TRIM54: variants seen among roughly 807,000 people sequenced by gnomAD.
The protein encoded by TRIM54 is tripartite motif containing 54, also known as tripartite motif-containing protein 54.
TRIM54 carries 40 observed loss-of-function variants against 42.0 expected under a neutral mutation model. The observed-to-expected ratio is 0.95, with a 90% CI of 0.74 to 1.24. The LOEUF (loss-of-function observed/expected upper bound fraction) is 1.24, where lower values mean the gene tolerates loss of function less well. Among genes scored for constraint, TRIM54 ranks in the 50% most tolerant of loss-of-function variants. TRIM54 has a pLI of 0.00. For missense variants in TRIM54, 485 were observed against 480.3 expected (o/e 1.01, Z -0.09); for synonymous variants, 199 against 194.9 (o/e 1.02, Z -0.17).
At chr2:27,294,048 C>G (rs1678797826) in intron 1 of TRIM54, among the ~76,000 whole-genome samples, 1 of 152,050 alleles carries the variant, frequency 6.6e-6, no homozygotes, top group African/African-American at 2.4e-5. Flanking sequence ...ATAATAACAA[C>G]AACAACAACA....
intron 1 of TRIM54, among the ~76,000 whole-genome samples, chr2:27,287,125 A>G (rs1678588501): frequency 6.6e-6 from 1 of 152,198 alleles, no homozygotes. Context: ...TTTCTTTGTT[A>G]ATTTGCCACA....
At chr2:27,296,959 A>G (rs1206716650) in intron 1 of TRIM54, among the ~76,000 whole-genome samples, 4 of 151,980 alleles carry the variant, frequency 2.6e-5, no homozygotes, top group African/African-American at 7.3e-5. Flanking sequence ...AGTTCTTGCT[A>G]TGTTGCCCAG....
intron 1 of TRIM54, among the ~76,000 whole-genome samples, chr2:27,290,511 A>C (rs190898849): frequency 1.3e-5 from 2 of 152,252 alleles, no homozygotes; most frequent in Non-Finnish European, 2.9e-5. Flanking sequence ...ACTAAAAATC[A>C]AAAAATTAGC....
At chr2:27,293,880 G>A (rs1262811571) in intron 1 of TRIM54, among the ~76,000 whole-genome samples, 4 of 151,862 alleles carry the variant, frequency 2.6e-5, no homozygotes, top group Non-Finnish European at 4.4e-5. Flanking sequence ...AAAATTAGCC[G>A]GGCATGGTGG....
intron 1 of TRIM54, among the ~76,000 whole-genome samples, chr2:27,287,229 G>A (rs527891154): frequency 3.9e-4 from 60 of 152,128 alleles, no homozygotes; most frequent in African/African-American, 1.4e-3. Flanking sequence ...TTGAGACAGG[G>A]TCTCATTCTA....
chr2:27,289,270 T>C (rs1279658144), intron 1 of TRIM54, among the ~76,000 whole-genome samples: 1 of 152,186 alleles, frequency 6.6e-6, no homozygotes, highest in Non-Finnish European at 1.5e-5. Flanking sequence ...AGGAAACTGA[T>C]GGCATTAGAA....
chr2:27,294,868 C>T (rs1463566125), intron 1 of TRIM54, among the ~76,000 whole-genome samples: 12 of 111,828 alleles, frequency 1.1e-4, no homozygotes, highest in Non-Finnish European at 1.7e-4. Context: ...CCGGCCTGGG[C>T]GACAGAGCAA....
rs573084512 is a variant in TRIM54 at position 27,306,099 on chromosome 2, A to G, written c.863A>G (p.Asn288Ser). The change falls in exon 6 of 9, where the codon AAT becomes AGT. Residue 288 changes from asparagine (N) to serine (S), a missense_variant. Transcript: ENST00000380075. The surrounding 1 kb of genome is among the most constrained non-coding windows in gnomAD (Gnocchi z 6.1). ...LYLQQAKELI[N>S]KVGAMSKVEL... ...CTGCAGCAGGCCAAGGAGCTGATCAATAAGTGAGTAGGCATAGCGGGAAGG... is the reference window on the plus strand; with the variant it reads ...CTGCAGCAGGCCAAGGAGCTGATCAGTAAGTGAGTAGGCATAGCGGGAAGG... 4.3e-6 allele frequency: 7 copies of G among 1,614,012 alleles called. No individual in the cohort carries two copies. Among genetic ancestry groups the G allele is most frequent in the Middle Eastern group, 1.7e-4 (1 of 6,056 alleles).
chr2:27,289,725 G>A (rs565894476), intron 1 of TRIM54, among the ~76,000 whole-genome samples: 1 of 152,086 alleles, frequency 6.6e-6, no homozygotes, highest in African/African-American at 2.4e-5. Context: ...TGGGGGAAAT[G>A]TCTAAAAAGG....
intron 1 of TRIM54, 68 bp downstream of exon 1, chr2:27,282,967 A>G: frequency 6.7e-7 from 1 of 1,495,740 alleles, no homozygotes; most frequent in Non-Finnish European, 9.0e-7. Context: ...ATCAGGTCAG[A>G]GCTGAGACCC....
At chr2:27,290,920 A>C (rs1678702198) in intron 1 of TRIM54, among the ~76,000 whole-genome samples, 1 of 152,202 alleles carries the variant, frequency 6.6e-6, no homozygotes, top group Non-Finnish European at 1.5e-5. Flanking sequence ...ACATTTGCAA[A>C]AGGTTTGGAA....
rs777092424 is a variant in TRIM54, at chr2:27,305,594, G to A, written c.620G>A (p.Arg207Gln). 10 of 1,612,722 alleles carry A rather than the reference G, an allele frequency of 6.2e-6. No homozygotes were observed. The highest frequency in any genetic ancestry group is 7.6e-6 in the Non-Finnish European group (9 of 1,179,260). Residue 207 changes from arginine to glutamine, a missense_variant, in exon 5 of 9, where the codon CGG (arginine) becomes CAG (glutamine). By Grantham distance (43) the Arg-to-Gln change is conservative (BLOSUM62 1). Transcript: ENST00000380075. ...CTCCCCATCTTTTAGGACAATAGCC[G>A]GAGGCAGAAGCAGTTGTTAAACCAG... ...EVCQTIEDNS[R>Q]RQKQLLNQRF... is the part of the protein sequence containing the mutation.
chr2:27,297,501 GTCC>G (rs1322813587), intron 1 of TRIM54, among the ~76,000 whole-genome samples: 1 of 152,212 alleles, frequency 6.6e-6, no homozygotes, highest in Non-Finnish European at 1.5e-5. Flanking sequence ...TGTCTGTTAA[GTCC>G]TCCTTCTGAG....
chr2:27,283,779 C>T (rs1231575950), intron 1 of TRIM54, among the ~76,000 whole-genome samples: 6 of 79,932 alleles, frequency 7.5e-5, no homozygotes, highest in Non-Finnish European at 1.1e-4. Context: ...CACACACACA[C>T]GCGCGCACAC....
chr2:27,293,831 G>T (rs1572522339), intron 1 of TRIM54, among the ~76,000 whole-genome samples: 2 of 152,114 alleles, frequency 1.3e-5, no homozygotes, highest in East Asian at 3.9e-4. Context: ...AGACCAGCCT[G>T]GCCAACATGG....
chr2:27,295,508 G>A (rs897845073), intron 1 of TRIM54, among the ~76,000 whole-genome samples: 1 of 152,016 alleles, frequency 6.6e-6, no homozygotes, highest in African/African-American at 2.4e-5. Flanking sequence ...GGATTTCACC[G>A]TGTTGGCCAG....
chr2:27,306,529 G>T lies in TRIM54; in HGVS notation c.1065G>T (p.Pro355=). ...GCGCGGGGCCGGAGGAAGAGCGGCC[G>T]GATGGGCCTTAAGGTGAGAGCCGCC... ...EGSAGPEEER[P]DGP is the part of the protein sequence containing the mutation. Residue 355 remains proline (P), a synonymous_variant, in exon 8 of 9, where the codon CCG becomes CCT. Transcript: ENST00000380075. This position sits in a 1 kb window ranked among gnomAD's most constrained non-coding sequence, Gnocchi z 6.1. 1.3e-6 allele frequency: 2 copies of T among 1,555,564 alleles called. No homozygotes were observed. The highest frequency in any genetic ancestry group is 1.7e-6 in the Non-Finnish European group (2 of 1,149,752).
intron 1 of TRIM54, among the ~76,000 whole-genome samples, chr2:27,298,029 A>C (rs925638380): frequency 6.6e-6 from 1 of 150,716 alleles, no homozygotes; most frequent in Non-Finnish European, 1.5e-5. Context: ...CAGAGATAGC[A>C]CAAGAACCCA....
chr2:27,283,608 A>G (rs888333049), intron 1 of TRIM54, among the ~76,000 whole-genome samples: 3 of 152,068 alleles, frequency 2.0e-5, no homozygotes, highest in Non-Finnish European at 4.4e-5. Flanking sequence ...AGAGCTAATC[A>G]AATTCACAGA....
Sources: gnomAD v4.1 joint callset for allele counts (sites outside exome capture counted in the v4.1 genomes callset) on GRCh38, gnomAD v4.1.1 for gene constraint, Gnocchi (gnomAD v3.1) non-coding constraint, MANE v1.5 for transcripts, NCBI Gene and HGNC (gene_info 2026-07-23, HGNC 2026-07-21) for gene names.